Variants in POU6F2 observed in about 807,000 individuals in gnomAD.
POU6F2 encodes the protein POU class 6 homeobox 2.
POU6F2 carries 31 observed loss-of-function variants against 71.3 expected under a neutral mutation model. The observed-to-expected ratio is 0.43, with a 90% CI of 0.33 to 0.59. The LOEUF is 0.59. POU6F2 is among the 20% of genes least tolerant of loss of function. The pLI is 0.04. For missense variants in POU6F2, 783 were observed against 856.8 expected, an observed-to-expected ratio of 0.91 and a Z score of 1.07; for synonymous variants, 347 against 355.7, an observed-to-expected ratio of 0.98 and a Z score of 0.27.
chr7:39,379,258 A>T (rs1267674534), intron 5 of POU6F2, among the ~76,000 whole-genome samples: 1 of 152,228 alleles, frequency 6.6e-6, no homozygotes, highest in Non-Finnish European at 1.5e-5. Flanking sequence ...TTGGAGCTAG[A>T]ACCACAGATT....
At chr7:39,398,040 T>TA (rs1228164963) in intron 5 of POU6F2, among the ~76,000 whole-genome samples, 194 of 148,240 alleles carry the variant, frequency 1.3e-3, no homozygotes, top group African/African-American at 3.8e-3. Flanking sequence ...CACGTATTTT[T>TA]AAAAAAAAAA....
intron 1 of POU6F2, among the ~76,000 whole-genome samples, chr7:39,063,450 C>T (rs980554021): frequency 2.0e-5 from 3 of 152,160 alleles, no homozygotes; most frequent in Non-Finnish European, 4.4e-5. Context: ...AAAGTATAGG[C>T]TTCCACTGGC....
chr7:39,078,802 G>C (rs572757311), intron 1 of POU6F2, among the ~76,000 whole-genome samples: 1 of 152,286 alleles, frequency 6.6e-6, no homozygotes, highest in African/African-American at 2.4e-5. Context: ...TCCTGAGAAA[G>C]GACTCCTCTG....
chr7:39,106,851 A>G (rs557802988), intron 2 of POU6F2, among the ~76,000 whole-genome samples: 1 of 152,220 alleles, frequency 6.6e-6, no homozygotes, highest in East Asian at 1.9e-4. Context: ...TCTGATTTTT[A>G]TCAGTATTTT....
chr7:39,121,045 A>T (rs1252221575), intron 2 of POU6F2: 1 of 152,230 alleles, frequency 6.6e-6, no homozygotes, highest in East Asian at 1.9e-4. Context: ...ATATGTAAGT[A>T]AGGGTGATTA....
At chr7:39,216,476 A>G (rs1794243850) in intron 4 of POU6F2, among the ~76,000 whole-genome samples, 1 of 152,196 alleles carries the variant, frequency 6.6e-6, no homozygotes. Flanking sequence ...CATTCAGGAC[A>G]AGGCAAAAGT....
rs899892689 is a variant in POU6F2 at position 39,085,910 on chromosome 7, T to A, written c.156T>A (p.Ser52Arg). The change falls in exon 2 of 10, where the codon AGT (serine) becomes AGA (arginine). Residue 52 changes from serine (S) to arginine (R), a missense_variant. Physicochemically the swap from Ser to Arg is moderately radical, Grantham distance 110. Transcript: ENST00000518318. ...QVSKPLLSVR[S>R]EMNAELRGED... ...GTAAGCCCTTGCTGTCAGTGCGGAG[T>A]GAAATGAATGCGGAGTTGAGAGGTG... 3 of 1,612,816 alleles carry A rather than the reference T, an allele frequency of 1.9e-6. No individual in the cohort carries two copies. Among genetic ancestry groups the A allele is most frequent in the Non-Finnish European group, 1.7e-6 (2 of 1,179,584 alleles).
chr7:39,138,589 A>G (rs184826480), intron 2 of POU6F2, among the ~76,000 whole-genome samples: 20 of 152,308 alleles, frequency 1.3e-4, no homozygotes, highest in Non-Finnish European at 2.5e-4. Flanking sequence ...ATGATCTGTC[A>G]CTGTCTCCCG....
chr7:39,039,606 C>T (rs62442163), intron 1 of POU6F2, among the ~76,000 whole-genome samples: 26,096 of 151,794 alleles, frequency 0.17, 2,593 homozygotes, highest in Non-Finnish European at 0.23. Flanking sequence ...GGAACTCTAT[C>T]AATTACTTAA....
chr7:39,260,283 C>A (rs911134293), intron 4 of POU6F2, among the ~76,000 whole-genome samples: 7 of 150,148 alleles, frequency 4.7e-5, no homozygotes, highest in Non-Finnish European at 1.0e-4. Flanking sequence ...ATACACCACA[C>A]ACACTCTCCA....
chr7:39,446,436 A>G (rs1788525733), intron 7 of POU6F2, among the ~76,000 whole-genome samples: 1 of 152,216 alleles, frequency 6.6e-6, no homozygotes, highest in South Asian at 2.1e-4. Context: ...ATTTTCCAAG[A>G]CACTTGCCAC....
chr7:39,165,090 G>A (rs1052769509), intron 2 of POU6F2, among the ~76,000 whole-genome samples: 5 of 152,080 alleles, frequency 3.3e-5, no homozygotes, highest in South Asian at 2.1e-4. Context: ...ATGCTTCCCC[G>A]GGGATTACAG....
At chr7:39,282,251 C>T (rs1454085789) in intron 4 of POU6F2, among the ~76,000 whole-genome samples, 1 of 152,100 alleles carries the variant, frequency 6.6e-6, no homozygotes, top group African/African-American at 2.4e-5. Context: ...TCTCTTCACT[C>T]TGTTGATTAT....
intron 2 of POU6F2, among the ~76,000 whole-genome samples, chr7:39,145,816 A>T (rs1376207035): frequency 1.3e-5 from 2 of 152,354 alleles, no homozygotes; most frequent in African/African-American, 4.8e-5. Flanking sequence ...AGAATAACAT[A>T]ACCCATCCTC....
chr7:39,181,030 C>T (rs898539418), intron 2 of POU6F2, among the ~76,000 whole-genome samples: 28 of 152,280 alleles, frequency 1.8e-4, no homozygotes, highest in African/African-American at 6.5e-4. Context: ...CTAATGTGCC[C>T]CCATTCAGGG....
intron 6 of POU6F2, among the ~76,000 whole-genome samples, chr7:39,411,876 C>A (rs892831584): frequency 3.3e-5 from 5 of 152,198 alleles, no homozygotes; most frequent in Non-Finnish European, 5.9e-5. Flanking sequence ...GGCAGGAACA[C>A]CACCAGCATC....
chr7:39,423,516 G>A (rs1238495128), intron 6 of POU6F2, among the ~76,000 whole-genome samples: 2 of 152,134 alleles, frequency 1.3e-5, no homozygotes, highest in Non-Finnish European at 1.5e-5. Flanking sequence ...TTGTACATGA[G>A]CAAATGCATG....
chr7:39,135,595 T>G (rs1792373899), intron 2 of POU6F2, among the ~76,000 whole-genome samples: 1 of 150,982 alleles, frequency 6.6e-6, no homozygotes. Flanking sequence ...TCAATAAAAT[T>G]GAATATCTAT....
chr7:39,049,043 T>C (rs1790351164), intron 1 of POU6F2, among the ~76,000 whole-genome samples: 1 of 151,996 alleles, frequency 6.6e-6, no homozygotes, highest in Non-Finnish European at 1.5e-5. Context: ...GGGTTGGTAC[T>C]GATGTTACCT....
Sources: allele counts gnomAD v4.1 joint callset (sites outside exome capture counted in the v4.1 genomes callset), GRCh38; gene constraint gnomAD v4.1.1; transcripts MANE v1.5; gene names NCBI Gene and HGNC (gene_info 2026-07-23, HGNC 2026-07-21).